The following RASGRP1 variants were observed in gnomAD, a reference collection of about 807,000 sequenced individuals.
The protein encoded by RASGRP1 is RAS guanyl releasing protein 1.
Under a neutral mutation model 95.1 loss-of-function variants are expected in RASGRP1, and 37 were observed. The ratio of observed to expected loss-of-function variants is 0.39; its 90% CI spans 0.30 to 0.51. The LOEUF (loss-of-function observed/expected upper bound fraction) is 0.51. Ranked by LOEUF, RASGRP1 falls within the 20% of genes least tolerant of loss-of-function variation. The pLI is 0.80. For missense variants in RASGRP1, 711 were observed against 965.4 expected, an observed-to-expected ratio of 0.74 and a Z score of 3.49; for synonymous variants, 325 against 353.4, an observed-to-expected ratio of 0.92 and a Z score of 0.90.
Position 38,559,815 on chromosome 15 carries a change from A to G in RASGRP1, c.220+6T>C. The stretch of plus-strand genomic sequence containing the variant: ...TTTTATGCCTGTGGGCAGTTAGCCA[A>G]CTTACCAAAAGATTGAATGCAGCTG... On this transcript the variant is annotated splice_donor_region_variant and intron_variant, in intron 2 of 16. Transcript: ENST00000310803. The G allele has an allele frequency of 6.2e-7, 1 of 1,612,516 alleles. No individual in the cohort carries two copies. Among genetic ancestry groups the G allele is most frequent in the Non-Finnish European group, 8.5e-7 (1 of 1,178,632 alleles).
At chr15:38,506,635 CAAAAAA>C (rs370153317) in intron 9 of RASGRP1, among the ~76,000 whole-genome samples, 6 of 71,620 alleles carry the variant, frequency 8.4e-5, no homozygotes, top group African/African-American at 2.1e-4. Context: ...ACCTTGTCTC[CAAAAAA>C]AAAAAAAAAA....
intron 10 of RASGRP1, 36 bp from the exon 11 acceptor site, chr15:38,503,412 C>G: frequency 7.1e-7 from 1 of 1,412,718 alleles, no homozygotes; most frequent in Non-Finnish European, 9.9e-7. Context: ...CTCATGACTA[C>G]AATGCAATAT....
intron 5 of RASGRP1, among the ~76,000 whole-genome samples, chr15:38,517,218 T>A (rs183004086): frequency 9.1e-4 from 139 of 152,290 alleles, no homozygotes; most frequent in South Asian, 1.9e-3. Flanking sequence ...CTCAGTTATA[T>A]CTGGCCAAGT....
At chr15:38,508,479 G>C (rs912235505) in intron 8 of RASGRP1, among the ~76,000 whole-genome samples, 2 of 152,202 alleles carry the variant, frequency 1.3e-5, no homozygotes, top group Non-Finnish European at 2.9e-5. Context: ...CTGGCATGGG[G>C]AAGAGCATGT....
intron 2 of RASGRP1, among the ~76,000 whole-genome samples, chr15:38,553,125 T>TA (rs1337494121): frequency 1.3e-5 from 2 of 152,160 alleles, no homozygotes; most frequent in Non-Finnish European, 2.9e-5. Flanking sequence ...TGGCTCTGCT[T>TA]ACATTCTCAC....
intron 2 of RASGRP1, among the ~76,000 whole-genome samples, chr15:38,556,220 C>T (rs551092716): frequency 6.6e-6 from 1 of 152,090 alleles, no homozygotes; most frequent in Non-Finnish European, 1.5e-5. Context: ...GAACAGAAGG[C>T]GGGAGTGGGT....
chr15:38,544,300 A>G (rs1250197576), intron 2 of RASGRP1, among the ~76,000 whole-genome samples: 1 of 152,196 alleles, frequency 6.6e-6, no homozygotes, highest in Non-Finnish European at 1.5e-5. Flanking sequence ...ATCCATGCAC[A>G]GTTTAGTCTT....
intron 13 of RASGRP1, 27 bp downstream of exon 13, chr15:38,501,116 C>A: frequency 6.4e-7 from 1 of 1,566,240 alleles, no homozygotes; most frequent in Non-Finnish European, 8.6e-7. Context: ...CCAAATTCAG[C>A]CCTGGAGCAC....
At chr15:38,547,390 C>T (rs573119025) in intron 2 of RASGRP1, among the ~76,000 whole-genome samples, 30 of 152,252 alleles carry the variant, frequency 2.0e-4, no homozygotes, top group African/African-American at 7.0e-4. Flanking sequence ...CAGCCCTCAA[C>T]CAATGACCGA....
intron 10 of RASGRP1, chr15:38,503,683 A>G (rs967333237): frequency 9.2e-5 from 30 of 327,756 alleles, no homozygotes; most frequent in Non-Finnish European, 2.2e-5. Context: ...CTATCAACAA[A>G]GAGTAAAGTG....
chr15:38,546,183 T>C (rs993547543), intron 2 of RASGRP1, among the ~76,000 whole-genome samples: 2 of 152,204 alleles, frequency 1.3e-5, no homozygotes, highest in Non-Finnish European at 2.9e-5. Flanking sequence ...CAGATTGGAA[T>C]TTTAATAACA....
At chr15:38,500,645 T>C (rs2141088575) in intron 13 of RASGRP1, among the ~76,000 whole-genome samples, 1 of 152,122 alleles carries the variant, frequency 6.6e-6, no homozygotes, top group East Asian at 1.9e-4. Context: ...CACACCTGGC[T>C]CTCACTAGCA....
At chr15:38,521,009 C>T (rs149391448) in intron 3 of RASGRP1, among the ~76,000 whole-genome samples, 17 of 152,024 alleles carry the variant, frequency 1.1e-4, no homozygotes, top group African/African-American at 3.1e-4. Flanking sequence ...AAACAAAAAC[C>T]CAAAAAACCC....
Position 38,562,071 on chromosome 15 carries a change from G to C in RASGRP1, c.36-2066C>G, listed in dbSNP as rs527531361. Among the ~76,000 whole-genome samples the C allele has an allele frequency of 2.0e-4, 31 of 152,238 alleles. No individual in the cohort carries two copies. The South Asian group carries it at 6.2e-3, about 31-fold the overall frequency. The stretch of plus-strand genomic sequence containing the variant: ...TAAAACTCATATATAATCAACCTGA[G>C]ATTTGTACCCAGCACCTCTCTGGCT... On this transcript the variant is annotated intron_variant, in intron 1 of 16. Coordinates refer to ENST00000310803, the MANE Select transcript of RASGRP1 (RefSeq NM_005739.4).
In RASGRP1 at chr15:38,499,208, T is replaced by C. The variant is rs1053987746; in HGVS notation, c.1721-262A>G. 3 of 606,578 alleles carry C rather than the reference T, an allele frequency of 4.9e-6. No homozygotes were observed. The African/African-American group carries it at 5.4e-5, about 11-fold the overall frequency. 37.6% of individuals were successfully genotyped at this position (606,578 alleles called of 1,614,324 possible). On this transcript the variant is annotated intron_variant, in intron 14 of 16. Coordinates refer to ENST00000310803, the MANE Select transcript of RASGRP1 (RefSeq NM_005739.4). ...ATCTTGGAGGGAAGAGATGGTGTCC[T>C]GGTATCCCATACATTCTGCCTACTC... is the stretch of plus-strand genomic sequence containing the variant.
chr15:38,514,446 G>T (rs1891678652), intron 6 of RASGRP1, among the ~76,000 whole-genome samples: 4 of 151,788 alleles, frequency 2.6e-5, no homozygotes, highest in African/African-American at 9.7e-5. Flanking sequence ...AAATCCACTT[G>T]TTTTTTTAAA....
intron 2 of RASGRP1, among the ~76,000 whole-genome samples, chr15:38,531,968 C>G (rs868313413): frequency 6.6e-6 from 1 of 152,108 alleles, no homozygotes; most frequent in South Asian, 2.1e-4. Flanking sequence ...ACAACCTCAT[C>G]GGGGATACGT....
At chr15:38,496,989 G>C (rs1890816982) in intron 15 of RASGRP1, among the ~76,000 whole-genome samples, 1 of 152,178 alleles carries the variant, frequency 6.6e-6, no homozygotes, top group African/African-American at 2.4e-5. Context: ...AAAGAGTAAT[G>C]ATATTAACAT....
In RASGRP1 at chr15:38,490,608, C is replaced by G. The variant is rs375426529; in HGVS notation, c.2340G>C (p.Gln780His). Residue 780 changes from glutamine (Q) to histidine (H), a missense_variant, in exon 17 of 17, where the codon CAG becomes CAC. Around this residue, in one of 3 missense-constraint regions of RASGRP1, gnomAD observed 212 missense variants for 247.8 expected, o/e 0.86. Coordinates refer to ENST00000310803, the MANE Select transcript of RASGRP1 (RefSeq NM_005739.4). ...CTAAGACATGATTGCTTTTTTCAAGCTGGAGGGATTCTATTTTCTTCTGTG... is the reference window on the plus strand; with the variant it reads ...CTAAGACATGATTGCTTTTTTCAAGGTGGAGGGATTCTATTTTCTTCTGTG... ...KYAQKKIESL[Q>H]LEKSNHVLAQ... 4 of 1,613,132 alleles carry G rather than the reference C, an allele frequency of 2.5e-6. No homozygotes were observed. The African/African-American group carries it at 4.0e-5, about 16-fold the overall frequency.
Sources: gnomAD v4.1 joint callset for allele counts (sites outside exome capture counted in the v4.1 genomes callset) on GRCh38, gnomAD v4.1.1 for gene constraint, gnomAD v4.1.1 regional missense constraint, MANE v1.5 for transcripts, NCBI Gene and HGNC (gene_info 2026-07-23, HGNC 2026-07-21) for gene names.